Variants in COX16 observed in about 807,000 individuals in gnomAD.
The protein encoded by COX16 is cytochrome c oxidase assembly factor COX16.
COX16 carries 12 observed loss-of-function variants against 15.4 expected under a neutral mutation model. That is an observed-to-expected ratio of 0.78 (90% confidence interval 0.50 to 1.26). COX16 has a LOEUF of 1.26. Among genes scored for constraint, COX16 ranks in the 50% most tolerant of loss-of-function variants. The probability of loss-of-function intolerance (pLI) is 0.00; values close to 1 mark genes in which losing one functional copy is unlikely to be tolerated. For missense variants in COX16, 124 were observed against 127.6 expected, an observed-to-expected ratio of 0.97 and a Z score of 0.14; for synonymous variants, 46 against 41.1, an observed-to-expected ratio of 1.12 and a Z score of -0.46.
intron 1 of COX16, among the ~76,000 whole-genome samples, chr14:70,358,177 G>A (rs967230779): frequency 2.6e-5 from 4 of 152,152 alleles, no homozygotes; most frequent in Middle Eastern, 3.4e-3. Context: ...GCAAATTTAC[G>A]GGTAGAAGTA....
intron 1 of COX16, among the ~76,000 whole-genome samples, chr14:70,344,001 A>C (rs993758047): frequency 2.0e-5 from 3 of 152,118 alleles, no homozygotes; most frequent in Admixed American, 2.0e-4. Context: ...CTGATTGGTC[A>C]GTTTGGAGTT....
intron 2 of COX16, among the ~76,000 whole-genome samples, chr14:70,338,582 C>G (rs1335297558): frequency 1.3e-5 from 2 of 152,150 alleles, no homozygotes; most frequent in Non-Finnish European, 2.9e-5. Context: ...ACCAGTCCCC[C>G]TTTTGTTCAC....
chr14:70,346,640 A>G (rs190365691), intron 1 of COX16, among the ~76,000 whole-genome samples: 9 of 152,230 alleles, frequency 5.9e-5, no homozygotes, highest in Non-Finnish European at 5.9e-5. Flanking sequence ...GCTTCATCCG[A>G]GCCAAGGGTA....
At chr14:70,334,051 T>C (rs1225163715) in intron 2 of COX16, among the ~76,000 whole-genome samples, 2 of 152,246 alleles carry the variant, frequency 1.3e-5, no homozygotes, top group Non-Finnish European at 2.9e-5. Flanking sequence ...AGGGAATTTA[T>C]TGTTACTAGA....
intron 1 of COX16, among the ~76,000 whole-genome samples, chr14:70,355,235 T>C (rs1180028053): frequency 1.3e-5 from 2 of 152,196 alleles, no homozygotes; most frequent in Non-Finnish European, 2.9e-5. Flanking sequence ...GATTTACTTA[T>C]TTTCATCTGA....
At position 70,342,400 on chromosome 14, in the gene COX16, A is replaced by T. The variant is rs188501508; in HGVS notation, c.141+258T>A. ...GGCAGAGGTTGCAGTGAACCAGGAT[A>T]GGCCACTGCACTCCAGTCTGAGCGA... On this transcript the variant is annotated intron_variant, in intron 2 of 3. Coordinates refer to ENST00000389912, the MANE Select transcript of COX16 (RefSeq NM_016468.7). 3.3e-5 allele frequency among the ~76,000 whole-genome samples: 5 copies of T among 152,198 alleles called. No homozygotes were observed. In the South Asian group the frequency reaches 8.3e-4, roughly 25 times the overall value.
At chr14:70,356,463 G>T (rs369238818) in intron 1 of COX16, among the ~76,000 whole-genome samples, 2 of 152,098 alleles carry the variant, frequency 1.3e-5, no homozygotes, top group Non-Finnish European at 2.9e-5. Context: ...GTACCAGTCC[G>T]TGGCCCAGGG....
Position 70,329,052 on chromosome 14 carries a change from T to TA in COX16, c.204+121_204+122insT, listed in dbSNP as rs1566596101. 26 of 750,844 alleles carry TA rather than the reference T, an allele frequency of 3.5e-5. 1 individual carries two copies. The highest frequency in any genetic ancestry group is 7.4e-5 in the Admixed American group (2 of 27,080). 46.5% of individuals were successfully genotyped at this position (750,844 alleles called of 1,614,324 possible). A position where few individuals can be genotyped will look rare whatever the true frequency, so the allele number is the denominator to read the frequency against. On this transcript the variant is annotated intron_variant, in intron 3 of 3. Transcript: ENST00000389912. ...ATCTTTTTATTTGCTTTTCAAATGA[T>TA]TATAGTTTATCAAATACCATATATA...
Position 70,326,327 on chromosome 14 carries a change from G to T in COX16, c.*6C>A. On this transcript the variant is annotated 3_prime_UTR_variant, in exon 4 of 4. Coordinates refer to ENST00000389912, the MANE Select transcript of COX16 (RefSeq NM_016468.7). Reference sequence around the variant, plus strand: ...AAAAAAAAAAAGGAAAAAAGAATCAGCAGAGTCAAGTTGTCTTAGTCTTAA... The same window carrying T: ...AAAAAAAAAAAGGAAAAAAGAATCATCAGAGTCAAGTTGTCTTAGTCTTAA... 1 of 1,456,366 alleles carries T rather than the reference G, an allele frequency of 6.9e-7. No individual in the cohort carries two copies. The allele number at this position is 1,456,366 out of a possible 1,614,324, so 90.2% of individuals were successfully genotyped here. A position where few individuals can be genotyped will look rare whatever the true frequency, so the allele number is the denominator to read the frequency against.
At chr14:70,328,809 T>C (rs1315734588) in intron 3 of COX16, among the ~76,000 whole-genome samples, 1 of 151,934 alleles carries the variant, frequency 6.6e-6, no homozygotes, top group Non-Finnish European at 1.5e-5. Context: ...ATATACTTTT[T>C]TCATTCTTAA....
At position 70,325,871 on chromosome 14, in the gene COX16, T is replaced by G. The variant is rs28433416; in HGVS notation, c.*462A>C. ...AATCAAGACTCTTAGCAGACTGTGA[T>G]CATTTTTCTTTCCCTAATAGATATG... On this transcript the variant is annotated 3_prime_UTR_variant, in exon 4 of 4. Transcript: ENST00000389912. 6.6e-6 allele frequency: 1 copy of G among 152,356 alleles called. No homozygotes were observed. The highest frequency in any genetic ancestry group is 1.5e-5 in the Non-Finnish European group (1 of 68,150). The allele number at this position is 152,356 out of a possible 1,614,324, so 9.4% of individuals were successfully genotyped here. A position where few individuals can be genotyped will look rare whatever the true frequency, so the allele number is the denominator to read the frequency against.
At chr14:70,330,029 G>A (rs527966047) in intron 2 of COX16, among the ~76,000 whole-genome samples, 2 of 151,846 alleles carry the variant, frequency 1.3e-5, no homozygotes, top group South Asian at 2.1e-4. Flanking sequence ...GGGAGGGAGA[G>A]CAATAATTAA....
At chr14:70,352,677 G>C (rs1294314451) in intron 1 of COX16, among the ~76,000 whole-genome samples, 1 of 102,754 alleles carries the variant, frequency 9.7e-6, no homozygotes, top group Admixed American at 1.4e-4. Flanking sequence ...ACAGAGTCTC[G>C]CTCTGTCACT....
At chr14:70,357,158 C>CCAAAAAAAAA (rs1230639115) in intron 1 of COX16, among the ~76,000 whole-genome samples, 1 of 78,700 alleles carries the variant, frequency 1.3e-5, no homozygotes, top group Non-Finnish European at 2.4e-5. Flanking sequence ...AAGCGTTTGT[C>CCAAAAAAAAA]AAAAAAAAAA....
intron 1 of COX16, among the ~76,000 whole-genome samples, chr14:70,352,406 T>C (rs1443043479): frequency 6.6e-6 from 1 of 152,026 alleles, no homozygotes; most frequent in Non-Finnish European, 1.5e-5. Flanking sequence ...AGGCTGGTCT[T>C]GAACTCCTGG....
intron 2 of COX16, among the ~76,000 whole-genome samples, chr14:70,337,703 G>T (rs1886498193): frequency 6.6e-6 from 1 of 151,990 alleles, no homozygotes; most frequent in African/African-American, 2.4e-5. Context: ...GATATCAAAG[G>T]AAAAAATAGA....
intron 1 of COX16, among the ~76,000 whole-genome samples, chr14:70,353,036 G>C (rs1887008703): frequency 6.6e-6 from 1 of 152,038 alleles, no homozygotes; most frequent in South Asian, 2.1e-4. Flanking sequence ...GCCAAGGCGG[G>C]AGAATCACGA....
At chr14:70,332,478 C>T (rs1287938986) in intron 2 of COX16, among the ~76,000 whole-genome samples, 1 of 152,128 alleles carries the variant, frequency 6.6e-6, no homozygotes, top group Non-Finnish European at 1.5e-5. Context: ...AGCCTCCAGG[C>T]CACAGCAGAT....
chr14:70,353,873 G>T (rs1032013619), intron 1 of COX16, among the ~76,000 whole-genome samples: 29 of 151,832 alleles, frequency 1.9e-4, no homozygotes, highest in African/African-American at 6.8e-4. Flanking sequence ...AATATTAAAA[G>T]GTATAAAACA....
Sources: allele counts gnomAD v4.1 joint callset (sites outside exome capture counted in the v4.1 genomes callset), GRCh38; gene constraint gnomAD v4.1.1; transcripts MANE v1.5; gene names NCBI Gene and HGNC (gene_info 2026-07-23, HGNC 2026-07-21).